SUSD5: variants seen among roughly 807,000 people sequenced by gnomAD.
SUSD5 encodes sushi domain containing 5.
Under a neutral mutation model 29.5 loss-of-function variants are expected in SUSD5, and 33 were observed. That is an observed-to-expected ratio of 1.12 (90% CI 0.85 to 1.49). The LOEUF is 1.49. SUSD5 is among the 40% of genes most tolerant of loss of function. SUSD5 has a pLI of 0.00. For synonymous variants in SUSD5, 308 were observed against 325.3 expected (o/e 0.95, Z 0.57); for missense variants, 776 against 800.6 (o/e 0.97, Z 0.37).
chr3:33,158,015 A>C (rs1203600665), intron 4 of SUSD5, among the ~76,000 whole-genome samples: 2 of 152,276 alleles, frequency 1.3e-5, no homozygotes, highest in African/African-American at 4.8e-5. Flanking sequence ...TTGTGTCCCT[A>C]AAGTAGAACA....
chr3:33,186,961 G>C (rs183116224), intron 3 of SUSD5, among the ~76,000 whole-genome samples: 1 of 152,216 alleles, frequency 6.6e-6, no homozygotes, highest in African/African-American at 2.4e-5. Context: ...TGCATCCTCC[G>C]CAGGGTGAGT....
intron 4 of SUSD5, among the ~76,000 whole-genome samples, chr3:33,159,706 T>TAC (rs35599277): frequency 0.095 from 14,403 of 150,960 alleles, 790 homozygotes; most frequent in East Asian, 0.19. Flanking sequence ...AACACACCCA[T>TAC]ACACACACAC....
intron 4 of SUSD5, among the ~76,000 whole-genome samples, chr3:33,169,214 A>C: frequency 6.6e-6 from 1 of 152,150 alleles, no homozygotes; most frequent in Non-Finnish European, 1.5e-5. Flanking sequence ...GTGACAGTTC[A>C]GATAAATTTA....
At chr3:33,171,505 T>TAAC (rs2031427575) in intron 4 of SUSD5, among the ~76,000 whole-genome samples, 1 of 152,122 alleles carries the variant, frequency 6.6e-6, no homozygotes. Context: ...ACCTTAAAAA[T>TAAC]AACAACAGCA....
At chr3:33,180,052 T>G (rs1444077693) in intron 3 of SUSD5, among the ~76,000 whole-genome samples, 1 of 152,244 alleles carries the variant, frequency 6.6e-6, no homozygotes, top group East Asian at 1.9e-4. Context: ...TCAATAATGA[T>G]ACTAAATGAC....
At chr3:33,157,670 T>A (rs2125614058) in intron 4 of SUSD5, among the ~76,000 whole-genome samples, 1 of 152,318 alleles carries the variant, frequency 6.6e-6, no homozygotes, top group South Asian at 2.1e-4. Flanking sequence ...GCTGACCTTG[T>A]CCCTTGTTTT....
intron 3 of SUSD5, among the ~76,000 whole-genome samples, chr3:33,205,621 A>G (rs775474944): frequency 2.0e-5 from 3 of 152,204 alleles, no homozygotes; most frequent in Non-Finnish European, 4.4e-5. Flanking sequence ...TTGTGGGCAA[A>G]AGAGGCACAC....
chr3:33,206,411 G>A (rs1461368933), intron 3 of SUSD5, among the ~76,000 whole-genome samples: 1 of 49,934 alleles, frequency 2.0e-5, no homozygotes, highest in Non-Finnish European at 4.3e-5. Context: ...AAATTTACTT[G>A]AGTGTGTGTG....
In SUSD5 at chr3:33,204,141, A is replaced by G. The variant is rs942498337; in HGVS notation, c.409+3667T>C. ...CAAAGGGGCATCATATCTACAAGTT[A>G]CTCTCCAATGGTTCAAAAAAGAATT... On this transcript the variant is annotated intron_variant, in intron 3 of 4. Coordinates refer to ENST00000309558, the MANE Select transcript of SUSD5 (RefSeq NM_015551.2). This position sits in a 1 kb window ranked among gnomAD's most constrained non-coding sequence, Gnocchi z 4.5. 1.3e-5 allele frequency among the ~76,000 whole-genome samples: 2 copies of G among 151,628 alleles called. No individual in the cohort carries two copies. The highest frequency in any genetic ancestry group is 2.4e-5 in the African/African-American group (1 of 41,218).
chr3:33,197,432 G>C (rs1025541344), intron 3 of SUSD5, among the ~76,000 whole-genome samples: 1 of 152,094 alleles, frequency 6.6e-6, no homozygotes, highest in South Asian at 2.1e-4. Context: ...AAAGCTGCTC[G>C]ATAATTTTTT....
At chr3:33,202,782 C>A (rs969712528) in intron 3 of SUSD5, among the ~76,000 whole-genome samples, 7 of 152,190 alleles carry the variant, frequency 4.6e-5, no homozygotes, top group African/African-American at 1.7e-4. Flanking sequence ...TGGAAATTCA[C>A]TGTCAGTGAA....
At chr3:33,164,184 A>G (rs2031255774) in intron 4 of SUSD5, among the ~76,000 whole-genome samples, 1 of 152,150 alleles carries the variant, frequency 6.6e-6, no homozygotes, top group South Asian at 2.1e-4. Flanking sequence ...AAAGAAAAAA[A>G]AAGATATATA....
chr3:33,199,342 C>T (rs1019186298), intron 3 of SUSD5, among the ~76,000 whole-genome samples: 1 of 152,060 alleles, frequency 6.6e-6, no homozygotes. Context: ...GGCACAATCT[C>T]GGCTCACTGC....
intron 3 of SUSD5, among the ~76,000 whole-genome samples, chr3:33,176,053 C>A (rs1344493598): frequency 6.6e-6 from 1 of 152,166 alleles, no homozygotes; most frequent in African/African-American, 2.4e-5. Context: ...TTTACTGTCT[C>A]CATAGTTTGC....
At chr3:33,192,822 A>G (rs1279818623) in intron 3 of SUSD5, among the ~76,000 whole-genome samples, 1 of 151,604 alleles carries the variant, frequency 6.6e-6, no homozygotes, top group African/African-American at 2.4e-5. Flanking sequence ...GTCAAAAAAT[A>G]TATATATATA....
chr3:33,192,682 G>A (rs1397321844), intron 3 of SUSD5, among the ~76,000 whole-genome samples: 2 of 151,844 alleles, frequency 1.3e-5, no homozygotes, highest in African/African-American at 2.4e-5. Context: ...GGTGGTGCGT[G>A]CCTGTAGTCC....
chr3:33,207,997 T>C lies in SUSD5; in HGVS notation c.291-71A>G. The C allele has an allele frequency of 3.5e-6, 4 of 1,142,814 alleles. No homozygotes were observed. In the South Asian group the frequency reaches 5.3e-5, roughly 15 times the overall value. 70.8% of individuals were successfully genotyped at this position (1,142,814 alleles called of 1,614,324 possible). On this transcript the variant is annotated intron_variant, in intron 2 of 4. Coordinates refer to ENST00000309558, the MANE Select transcript of SUSD5 (RefSeq NM_015551.2). Reference sequence around the variant, plus strand: ...AAAATAATAAGGAATAATTCTCTTCTGCTGTCAGCTCCGAATCAGCAGAGA... The same window carrying C: ...AAAATAATAAGGAATAATTCTCTTCCGCTGTCAGCTCCGAATCAGCAGAGA...
intron 3 of SUSD5, among the ~76,000 whole-genome samples, chr3:33,206,975 G>A (rs1253329184): frequency 6.6e-6 from 1 of 151,756 alleles, no homozygotes; most frequent in Non-Finnish European, 1.5e-5. Context: ...TTCTATGACT[G>A]ATTAGTAAGA....
At position 33,199,797 on chromosome 3, in the gene SUSD5, T is replaced by A. The variant is rs1575542283; in HGVS notation, c.409+8011A>T. On this transcript the variant is annotated intron_variant, in intron 3 of 4. Transcript: ENST00000309558. Reference sequence around the variant, plus strand: ...CCATGCTATGGTTCAAATGTTTGACTCCTCCAAACTTCATGTTGAAATTTC... The same window carrying A: ...CCATGCTATGGTTCAAATGTTTGACACCTCCAAACTTCATGTTGAAATTTC... 3.9e-5 allele frequency among the ~76,000 whole-genome samples: 6 copies of A among 152,336 alleles called. No individual in the cohort carries two copies. The South Asian group carries it at 1.2e-3, about 32-fold the overall frequency.
Sources: allele counts gnomAD v4.1 joint callset (sites outside exome capture counted in the v4.1 genomes callset), GRCh38; gene constraint gnomAD v4.1.1; non-coding constraint Gnocchi (gnomAD v3.1); transcripts MANE v1.5; gene names NCBI Gene and HGNC (gene_info 2026-07-23, HGNC 2026-07-21).